ST7L: variants seen among roughly 807,000 people sequenced by gnomAD.
ST7L encodes suppression of tumorigenicity 7 like, also known as suppressor of tumorigenicity 7 protein-like.
Under a neutral mutation model 72.5 loss-of-function variants are expected in ST7L, and 57 were observed. The ratio of observed to expected loss-of-function variants is 0.79; its 90% CI spans 0.64 to 0.98. The LOEUF (loss-of-function observed/expected upper bound fraction) is 0.98. ST7L is among the 50% of genes least tolerant of loss of function. ST7L has a pLI of 0.00. For synonymous variants in ST7L, 221 were observed against 240.9 expected (o/e 0.92, Z 0.77); for missense variants, 576 against 672.2 (o/e 0.86, Z 1.58).
At chr1:112,520,214 G>T (rs896604216), downstream of ST7L, 1 of 1,458,904 alleles carries the variant, frequency 6.9e-7, no homozygotes. Context: ...CTGAGAATGT[G>T]GTTAAGGGTA....
At chr1:112,566,985 T>C (rs1240485275) in intron 11 of ST7L, among the ~76,000 whole-genome samples, 2 of 152,216 alleles carry the variant, frequency 1.3e-5, no homozygotes, top group Non-Finnish European at 2.9e-5. Context: ...TGGAGTAGGA[T>C]TGCTGGATCA....
intron 5 of ST7L, among the ~76,000 whole-genome samples, chr1:112,592,014 TAAAAAC>T (rs1189368203): frequency 1.3e-5 from 2 of 151,180 alleles, no homozygotes; most frequent in Non-Finnish European, 3.0e-5. Flanking sequence ...TACAAAAACT[TAAAAAC>T]AAAGTCTTTG....
chr1:112,615,162 T>C (rs1669673937), intron 2 of ST7L, among the ~76,000 whole-genome samples: 1 of 151,960 alleles, frequency 6.6e-6, no homozygotes, highest in Non-Finnish European at 1.5e-5. Context: ...ACACGCCTAA[T>C]TTTTGTATTT....
chr1:112,589,295 C>T (rs912030687), intron 6 of ST7L, among the ~76,000 whole-genome samples: 1 of 151,926 alleles, frequency 6.6e-6, no homozygotes, highest in East Asian at 1.9e-4. Context: ...CTTTATGTTA[C>T]CTAGGCTGGT....
chr1:112,552,480 C>T (rs1658383699), intron 12 of ST7L, among the ~76,000 whole-genome samples: 1 of 152,146 alleles, frequency 6.6e-6, no homozygotes. Flanking sequence ...TCTCGGCTCA[C>T]CACAATCTCC....
intron 5 of ST7L, among the ~76,000 whole-genome samples, chr1:112,592,070 G>A (rs1444558191): frequency 6.6e-6 from 1 of 151,646 alleles, no homozygotes; most frequent in South Asian, 2.1e-4. Flanking sequence ...GTACGGGCTT[G>A]CGTTTTGTGT....
intron 5 of ST7L, among the ~76,000 whole-genome samples, chr1:112,593,787 A>C (rs1666029283): frequency 6.6e-6 from 1 of 152,232 alleles, no homozygotes; most frequent in South Asian, 2.1e-4. Context: ...ATAAGAACAA[A>C]ATCTAATTTA....
At chr1:112,608,528 T>G (rs2101014148) in intron 3 of ST7L, among the ~76,000 whole-genome samples, 1 of 152,352 alleles carries the variant, frequency 6.6e-6, no homozygotes, top group East Asian at 1.9e-4. Context: ...ATCTGTATCC[T>G]CTGCCAAGAT....
At chr1:112,560,258 G>C (rs1014657567) in intron 11 of ST7L, among the ~76,000 whole-genome samples, 6 of 152,098 alleles carry the variant, frequency 3.9e-5, no homozygotes, top group African/African-American at 1.4e-4. Context: ...GCTGGGCGTG[G>C]TGGCGGGCGC....
At chr1:112,598,512 G>A (rs1666832105) in intron 4 of ST7L, among the ~76,000 whole-genome samples, 1 of 151,498 alleles carries the variant, frequency 6.6e-6, no homozygotes, top group Non-Finnish European at 1.5e-5. Context: ...CTACTGGGGA[G>A]GCTGAAGCTG....
intron 10 of ST7L, 134 bp from the exon 11 acceptor site, chr1:112,577,222 C>CAA (rs879471946): frequency 4.2e-3 from 1,272 of 299,796 alleles, no homozygotes; most frequent in South Asian, 5.1e-3. Flanking sequence ...AGAGGACTAA[C>CAA]AAAAAAAAAA....
chr1:112,559,238 A>AAAAT (rs1358952682), intron 11 of ST7L, among the ~76,000 whole-genome samples: 3 of 152,182 alleles, frequency 2.0e-5, no homozygotes, highest in Non-Finnish European at 4.4e-5. Flanking sequence ...GATGTGTCAA[A>AAAAT]AAATACTTTT....
At chr1:112,586,652 A>C (rs1335635711) in intron 6 of ST7L, among the ~76,000 whole-genome samples, 8 of 152,092 alleles carry the variant, frequency 5.3e-5, no homozygotes, top group Admixed American at 1.3e-4. Context: ...TTTCCCCCTT[A>C]AAGTTTTCTT....
chr1:112,574,419 G>A (rs1460361127), intron 11 of ST7L, among the ~76,000 whole-genome samples: 1 of 151,716 alleles, frequency 6.6e-6, no homozygotes, highest in African/African-American at 2.4e-5. Context: ...CAGCACTTTG[G>A]GAGGCCAAGG....
chr1:112,544,082 A>G (rs1446612449), intron 13 of ST7L, among the ~76,000 whole-genome samples: 2 of 152,166 alleles, frequency 1.3e-5, no homozygotes, highest in Non-Finnish European at 2.9e-5. Context: ...AGATGAGCCT[A>G]TTAGAGTACT....
chr1:112,585,980 G>A (rs551545081), intron 6 of ST7L, among the ~76,000 whole-genome samples: 5 of 152,232 alleles, frequency 3.3e-5, no homozygotes, highest in Admixed American at 2.0e-4. Context: ...GGACAAAAAC[G>A]TTCTTCAGTT....
At chr1:112,540,687 A>T in intron 14 of ST7L, 5 of 1,192,506 alleles carry the variant, frequency 4.2e-6, no homozygotes, top group Non-Finnish European at 5.3e-6. Context: ...TCTTTAAGGC[A>T]CAAAATAAAC....
intron 14 of ST7L, among the ~76,000 whole-genome samples, chr1:112,530,866 T>C (rs189011129): frequency 1.8e-4 from 28 of 152,280 alleles, no homozygotes; most frequent in African/African-American, 6.5e-4. Context: ...TGTAAAGAGG[T>C]AGAATTGCCA....
chr1:112,614,805 A>C (rs1310583646), intron 2 of ST7L, among the ~76,000 whole-genome samples: 3 of 152,226 alleles, frequency 2.0e-5, no homozygotes, highest in Admixed American at 6.5e-5. Context: ...AAAAATTTAA[A>C]GGGAAGAGAA....
Sources: gnomAD v4.1 joint callset for allele counts (sites outside exome capture counted in the v4.1 genomes callset) on GRCh38, gnomAD v4.1.1 for gene constraint, MANE v1.5 for transcripts, NCBI Gene and HGNC (gene_info 2026-07-23, HGNC 2026-07-21) for gene names.